The following TXNRD1 variants were observed in gnomAD, a reference collection of about 807,000 sequenced individuals.
TXNRD1 encodes thioredoxin reductase 1.
Under a neutral mutation model 80.3 loss-of-function variants are expected in TXNRD1, and 57 were observed. The observed-to-expected ratio is 0.71, with a 90% CI of 0.57 to 0.89. The LOEUF is 0.89. Ranked by LOEUF, TXNRD1 falls within the 40% of genes least tolerant of loss-of-function variation. The pLI is 0.00. For missense variants in TXNRD1, 730 were observed against 803.0 expected (o/e 0.91, Z 1.10); for synonymous variants, 291 against 285.2 (o/e 1.02, Z -0.20).
intron 3 of TXNRD1, among the ~76,000 whole-genome samples, chr12:104,263,374 G>C (rs1317545110): frequency 6.6e-6 from 1 of 152,100 alleles, no homozygotes; most frequent in Non-Finnish European, 1.5e-5. Flanking sequence ...CTTGCCCCCA[G>C]TGTCTTATGT....
At chr12:104,323,279 C>T (rs1366941606) in intron 10 of TXNRD1, among the ~76,000 whole-genome samples, 16 of 148,362 alleles carry the variant, frequency 1.1e-4, no homozygotes, top group Non-Finnish European at 2.0e-4. Flanking sequence ...TCCACAAAGC[C>T]GCCATTGTCA....
At chr12:104,261,736 C>A (rs2033372492) in intron 3 of TXNRD1, among the ~76,000 whole-genome samples, 1 of 152,052 alleles carries the variant, frequency 6.6e-6, no homozygotes, top group South Asian at 2.1e-4. Flanking sequence ...AAATGTGAAA[C>A]AATGCCAGTC....
chr12:104,305,222 A>G (rs1649275758), intron 4 of TXNRD1: 1 of 249,128 alleles, frequency 4.0e-6, no homozygotes, highest in Admixed American at 5.4e-5. Context: ...GATATTTGAT[A>G]ATTTGCAAAA....
intron 3 of TXNRD1, among the ~76,000 whole-genome samples, chr12:104,267,113 C>T (rs2033509708): frequency 6.7e-6 from 1 of 149,610 alleles, no homozygotes. Flanking sequence ...TTGCAGTGAG[C>T]CGAGATCGCG....
chr12:104,332,596 G>A (rs1461559359), intron 14 of TXNRD1, among the ~76,000 whole-genome samples: 6 of 151,548 alleles, frequency 4.0e-5, no homozygotes, highest in Non-Finnish European at 7.4e-5. Flanking sequence ...CTAAAAATAT[G>A]AAATTAGCCA....
intron 3 of TXNRD1, among the ~76,000 whole-genome samples, chr12:104,288,176 A>G (rs2034039474): frequency 6.6e-6 from 1 of 152,162 alleles, no homozygotes; most frequent in African/African-American, 2.4e-5. Flanking sequence ...TTTTTAGTAG[A>G]GACAGGGTTT....
intron 4 of TXNRD1, among the ~76,000 whole-genome samples, chr12:104,294,238 C>CCA (rs2034348989): frequency 8.2e-6 from 1 of 122,266 alleles, no homozygotes; most frequent in Non-Finnish European, 1.8e-5. Context: ...GAAAGGCCCC[C>CCA]CCCCCCGCCG....
intron 1 of TXNRD1, among the ~76,000 whole-genome samples, chr12:104,234,844 G>C (rs540542218): frequency 1.3e-5 from 2 of 152,076 alleles, no homozygotes; most frequent in Non-Finnish European, 2.9e-5. Context: ...CAAAGAAATA[G>C]GGGGAACACC....
In TXNRD1 at chr12:104,269,851, G is replaced by A. The variant is rs185466987; in HGVS notation, c.304+11772G>A. On this transcript the variant is annotated intron_variant, in intron 3 of 16. Coordinates refer to ENST00000525566, the MANE Select transcript of TXNRD1 (RefSeq NM_001093771.3). ...CCCAAAGTGCTGGGATGACAGGTGT[G>A]AGCCCCCGCGCCCAGCCCACCCAGC... 4.8e-4 allele frequency among the ~76,000 whole-genome samples: 73 copies of A among 152,120 alleles called. No individual in the cohort carries two copies. The East Asian group carries it at 0.014, about 28-fold the overall frequency.
chr12:104,262,068 C>T (rs924446816), intron 3 of TXNRD1, among the ~76,000 whole-genome samples: 1 of 151,214 alleles, frequency 6.6e-6, no homozygotes, highest in Non-Finnish European at 1.5e-5. Flanking sequence ...CCTGTCTCTA[C>T]TAAAAATACA....
chr12:104,248,875 G>A (rs1168984532), intron 1 of TXNRD1, among the ~76,000 whole-genome samples: 7 of 151,968 alleles, frequency 4.6e-5, no homozygotes, highest in African/African-American at 1.7e-4. Flanking sequence ...ACCTGGGCTG[G>A]AGTGCACGAT....
chr12:104,325,786 C>T (rs1427838450), intron 11 of TXNRD1, among the ~76,000 whole-genome samples: 1 of 151,534 alleles, frequency 6.6e-6, no homozygotes, highest in African/African-American at 2.4e-5. Context: ...GCAGGAGAAT[C>T]GCTTGAACCC....
chr12:104,269,391 GTTTC>G (rs1251397869), intron 3 of TXNRD1, among the ~76,000 whole-genome samples: 1 of 134,124 alleles, frequency 7.5e-6, no homozygotes, highest in Admixed American at 7.4e-5. Flanking sequence ...CTTTTTCTGT[GTTTC>G]TTTCTTTTTT....
intron 4 of TXNRD1, among the ~76,000 whole-genome samples, chr12:104,297,943 G>A (rs1381861885): frequency 6.6e-6 from 1 of 151,982 alleles, no homozygotes; most frequent in Non-Finnish European, 1.5e-5. Flanking sequence ...TTCATCTCAC[G>A]CCCTTATTTA....
At chr12:104,250,067 C>G (rs12310731) in intron 1 of TXNRD1, among the ~76,000 whole-genome samples, 2 of 151,814 alleles carry the variant, frequency 1.3e-5, no homozygotes, top group East Asian at 3.9e-4. Flanking sequence ...GGTGTAGTGA[C>G]AGTATAACAT....
intron 1 of TXNRD1, among the ~76,000 whole-genome samples, chr12:104,245,340 C>A (rs946480373): frequency 6.6e-6 from 1 of 150,872 alleles, no homozygotes; most frequent in African/African-American, 2.4e-5. Flanking sequence ...AGTGAAACCC[C>A]GTCTCTACTA....
At position 104,315,882 on chromosome 12, in the gene TXNRD1, A is replaced by C. The variant is rs1273300151; in HGVS notation, c.716A>C (p.Lys239Thr). The C allele has an allele frequency of 6.2e-7, 1 of 1,610,852 alleles. No individual in the cohort carries two copies. Among genetic ancestry groups the C allele is most frequent in the Non-Finnish European group, 8.5e-7 (1 of 1,177,910 alleles). The change falls in exon 7 of 17, where the codon AAA becomes ACA. Residue 239 changes from lysine to threonine, a missense_variant. By Grantham distance (78) the Lys-to-Thr change is moderately conservative. Coordinates refer to ENST00000525566, the MANE Select transcript of TXNRD1 (RefSeq NM_001093771.3). Reference protein sequence around the residue: ...ALQDSRNYGWKVEETVKHDWD... With the variant: ...ALQDSRNYGWTVEETVKHDWD... ...CAAGACTCTCGAAATTATGGATGGA[A>C]AGTCGAGGAGACAGGTATGAGAGGG...
At chr12:104,335,655 ACT>A (rs1038175446) in intron 15 of TXNRD1, among the ~76,000 whole-genome samples, 99 of 152,180 alleles carry the variant, frequency 6.5e-4, no homozygotes, top group African/African-American at 2.3e-3. Context: ...ATATACACAC[ACT>A]CTCTTTAATA....
At chr12:104,235,837 G>A (rs1167665330) in intron 1 of TXNRD1, among the ~76,000 whole-genome samples, 1 of 152,118 alleles carries the variant, frequency 6.6e-6, no homozygotes, top group Admixed American at 6.6e-5. Flanking sequence ...ATAACCTGTA[G>A]CCACGTGGCA....
Sources: allele counts gnomAD v4.1 joint callset (sites outside exome capture counted in the v4.1 genomes callset), GRCh38; gene constraint gnomAD v4.1.1; transcripts MANE v1.5; gene names NCBI Gene and HGNC (gene_info 2026-07-23, HGNC 2026-07-21).